Variants in ENTHD1 observed in about 807,000 individuals in gnomAD.
The protein encoded by ENTHD1 is ENTH domain-containing protein 1.
A neutral mutation model predicts 39.1 loss-of-function variants in ENTHD1; 23 were observed. The ratio of observed to expected loss-of-function variants is 0.59; its 90% CI spans 0.42 to 0.83. ENTHD1 has a LOEUF of 0.83. ENTHD1 is among the 40% of genes least tolerant of loss of function. The probability of loss-of-function intolerance (pLI) is 0.00; values close to 1 mark genes in which losing one functional copy is unlikely to be tolerated. For missense variants in ENTHD1, 624 were observed against 705.4 expected (o/e 0.88, Z 1.31); for synonymous variants, 230 against 258.2 (o/e 0.89, Z 1.05).
intron 5 of ENTHD1, among the ~76,000 whole-genome samples, chr22:39,803,172 T>A (rs535207950): frequency 6.6e-6 from 1 of 152,242 alleles, no homozygotes; most frequent in Non-Finnish European, 1.5e-5. Flanking sequence ...CTGCCTGTCT[T>A]TCTCTGATCT....
At chr22:39,859,533 C>A (rs2066122471) in intron 3 of ENTHD1, among the ~76,000 whole-genome samples, 1 of 152,094 alleles carries the variant, frequency 6.6e-6, no homozygotes, top group Non-Finnish European at 1.5e-5. Flanking sequence ...TATTAATTGG[C>A]TTAATTTCAA....
intron 3 of ENTHD1, among the ~76,000 whole-genome samples, chr22:39,854,573 T>C (rs1439088906): frequency 6.6e-6 from 1 of 152,192 alleles, no homozygotes; most frequent in East Asian, 1.9e-4. Flanking sequence ...GTCCTTTTTG[T>C]ATTGTTCTGT....
intron 3 of ENTHD1, among the ~76,000 whole-genome samples, chr22:39,841,290 C>T (rs2065942637): frequency 6.6e-6 from 1 of 152,200 alleles, no homozygotes; most frequent in Admixed American, 6.5e-5. Context: ...AGGTTGGGTT[C>T]CCTAGGAAAC....
chr22:39,875,429 C>T lies in ENTHD1; in HGVS notation c.349+11971G>A, dbSNP rs1002766934. 6.2e-5 allele frequency: 93 copies of T among 1,505,026 alleles called. No individual in the cohort carries two copies. In the African/African-American group the frequency reaches 1.2e-3, roughly 20 times the overall value. 93.2% of individuals were successfully genotyped at this position (1,505,026 alleles called of 1,614,324 possible). A position where few individuals can be genotyped will look rare whatever the true frequency, so the allele number is the denominator to read the frequency against. On this transcript the variant is annotated intron_variant, in intron 2 of 6. Coordinates refer to ENST00000325157, the MANE Select transcript of ENTHD1 (RefSeq NM_152512.4). ...GGAGCAGCCTGTGTTGGACCTGAAG[C>T]GGCCCTTCCTCAGCCGGGAGTCGCT... is the stretch of plus-strand genomic sequence containing the variant.
At chr22:39,800,576 G>A (rs573120170) in intron 5 of ENTHD1, among the ~76,000 whole-genome samples, 1 of 152,308 alleles carries the variant, frequency 6.6e-6, no homozygotes, top group East Asian at 1.9e-4. Context: ...AAAAGTCTGA[G>A]GCCCACCTTC....
intron 5 of ENTHD1, among the ~76,000 whole-genome samples, chr22:39,789,692 C>T (rs1168600296): frequency 6.6e-6 from 1 of 152,122 alleles, no homozygotes. Context: ...AGTCTTTGCC[C>T]TCTTAAAGCT....
intron 5 of ENTHD1, among the ~76,000 whole-genome samples, chr22:39,790,361 A>C (rs569541243): frequency 2.0e-5 from 3 of 152,290 alleles, no homozygotes; most frequent in African/African-American, 4.8e-5. Flanking sequence ...AGGTGATCTG[A>C]TTCTGGACAT....
At chr22:39,856,145 G>A (rs2066083520) in intron 3 of ENTHD1, among the ~76,000 whole-genome samples, 1 of 152,092 alleles carries the variant, frequency 6.6e-6, no homozygotes, top group Middle Eastern at 3.4e-3. Flanking sequence ...ATGGTGGCAT[G>A]TGCCTGTAAT....
intron 6 of ENTHD1, among the ~76,000 whole-genome samples, chr22:39,753,570 A>G (rs1182757163): frequency 6.6e-6 from 1 of 152,222 alleles, no homozygotes; most frequent in African/African-American, 2.4e-5. Context: ...CTAACTTGTT[A>G]TCTCCGAAAA....
chr22:39,818,836 C>A, intron 5 of ENTHD1, among the ~76,000 whole-genome samples: 1 of 152,134 alleles, frequency 6.6e-6, no homozygotes, highest in East Asian at 1.9e-4. Flanking sequence ...CTTAGGATTG[C>A]TTCTTATGCT....
intron 6 of ENTHD1, among the ~76,000 whole-genome samples, chr22:39,745,378 C>A (rs2146526159): frequency 6.6e-6 from 1 of 152,188 alleles, no homozygotes; most frequent in Non-Finnish European, 1.5e-5. Flanking sequence ...GCTTATTTTT[C>A]TACATTATTT....
Position 39,867,920 on chromosome 22 carries a change from G to A in ENTHD1, c.350-5913C>T, listed in dbSNP as rs925029787. ...TCAAAAACAAGATAAAAACCCCCAC[G>A]AAGCAGAAATATAACAGAAATGAAA... On this transcript the variant is annotated intron_variant, in intron 2 of 6. Coordinates refer to ENST00000325157, the MANE Select transcript of ENTHD1 (RefSeq NM_152512.4). The surrounding 1 kb of genome is among the most constrained non-coding windows in gnomAD (Gnocchi z 4.5). Among the ~76,000 whole-genome samples the A allele has an allele frequency of 2.0e-5, 3 of 152,056 alleles. No individual in the cohort carries two copies. The highest frequency in any genetic ancestry group is 2.9e-5 in the Non-Finnish European group (2 of 68,010).
chr22:39,814,135 T>C (rs75066154), intron 5 of ENTHD1, among the ~76,000 whole-genome samples: 14,608 of 151,874 alleles, frequency 0.096, 790 homozygotes, highest in African/African-American at 0.14. Context: ...AAAACTCCAA[T>C]AGGTTTTATT....
intron 5 of ENTHD1, among the ~76,000 whole-genome samples, chr22:39,806,231 C>G (rs2065639630): frequency 6.6e-6 from 1 of 152,244 alleles, no homozygotes; most frequent in Non-Finnish European, 1.5e-5. Flanking sequence ...CATTCCCTCA[C>G]TATTTCCTTA....
chr22:39,812,026 C>CT (rs397735323), intron 5 of ENTHD1, among the ~76,000 whole-genome samples: 1 of 52,602 alleles, frequency 1.9e-5, no homozygotes, highest in Non-Finnish European at 6.2e-5. Flanking sequence ...AAAAAAAAAA[C>CT]GACATAGATG....
intron 5 of ENTHD1, among the ~76,000 whole-genome samples, chr22:39,807,888 C>CGTGTGTGT: frequency 6.8e-6 from 1 of 146,020 alleles, no homozygotes; most frequent in South Asian, 2.2e-4. Flanking sequence ...TATATACGTA[C>CGTGTGTGT]GTGTGTGTGT....
chr22:39,771,259 G>T (rs1601583437), intron 5 of ENTHD1, among the ~76,000 whole-genome samples: 1 of 152,062 alleles, frequency 6.6e-6, no homozygotes, highest in East Asian at 1.9e-4. Flanking sequence ...GCATAGGAGG[G>T]GGACCAAAAA....
chr22:39,780,566 G>A (rs1362341730), intron 5 of ENTHD1, among the ~76,000 whole-genome samples: 2 of 152,062 alleles, frequency 1.3e-5, no homozygotes, highest in African/African-American at 4.8e-5. Flanking sequence ...AAGAGTGGGA[G>A]TAGTTATACT....
chr22:39,815,671 C>A (rs1242506426), intron 5 of ENTHD1, among the ~76,000 whole-genome samples: 14 of 152,122 alleles, frequency 9.2e-5, no homozygotes, highest in Non-Finnish European at 1.5e-4. Context: ...AACCAGGAAT[C>A]TTGTACAAAT....
Sources: gnomAD v4.1 joint callset for allele counts (sites outside exome capture counted in the v4.1 genomes callset) on GRCh38, gnomAD v4.1.1 for gene constraint, Gnocchi (gnomAD v3.1) non-coding constraint, MANE v1.5 for transcripts, NCBI Gene and HGNC (gene_info 2026-07-23, HGNC 2026-07-21) for gene names.